The following SLC20A2 variants were observed in gnomAD, a reference collection of about 807,000 sequenced individuals.
The protein encoded by SLC20A2 is sodium-dependent phosphate transporter 2.
SLC20A2 carries 30 observed loss-of-function variants against 61.0 expected under a neutral mutation model. The observed-to-expected ratio is 0.49, with a 90% CI of 0.37 to 0.67. The LOEUF (loss-of-function observed/expected upper bound fraction) is 0.67. SLC20A2 is among the 30% of genes least tolerant of loss of function. The pLI is 0.00. For missense variants in SLC20A2, 626 were observed against 866.4 expected (o/e 0.72, Z 3.48); for synonymous variants, 351 against 353.3 (o/e 0.99, Z 0.07).
At position 42,472,633 on chromosome 8, in the gene SLC20A2, G is replaced by A. The variant is rs1347838347; in HGVS notation, c.-243C>T. 4.4e-6 allele frequency: 2 copies of A among 457,668 alleles called. No homozygotes were observed. The highest frequency in any genetic ancestry group is 7.7e-5 in the East Asian group (2 of 25,864). The allele number at this position is 457,668 out of a possible 1,614,324, so 28.4% of individuals were successfully genotyped here. On this transcript the variant is annotated 5_prime_UTR_variant, in exon 2 of 11. Transcript: ENST00000520262. The surrounding 1 kb of genome is among the most constrained non-coding windows in gnomAD (Gnocchi z 4.1). ...CATTCCATATTTTTCCTCCCGATCT[G>A]GGAAAGCTGTGATGTCTCCTCCTGT...
intron 8 of SLC20A2, among the ~76,000 whole-genome samples, chr8:42,436,002 C>A (rs997623964): frequency 1.3e-5 from 2 of 151,924 alleles, no homozygotes; most frequent in Non-Finnish European, 2.9e-5. Context: ...GTAATCCCAG[C>A]GGCTTGGGAA....
chr8:42,503,938 T>C (rs1366730193), upstream of SLC20A2, among the ~76,000 whole-genome samples: 1 of 152,214 alleles, frequency 6.6e-6, no homozygotes, highest in Non-Finnish European at 1.5e-5. Flanking sequence ...GTTTAGATAC[T>C]TGGCATCCTT....
intron 1 of SLC20A2, among the ~76,000 whole-genome samples, chr8:42,537,312 G>T (rs1286144486): frequency 6.7e-6 from 1 of 149,784 alleles, no homozygotes; most frequent in Non-Finnish European, 1.5e-5. Flanking sequence ...TGAGGCAGAG[G>T]CTGCAGTGAG....
At chr8:42,459,653 T>C (rs1806543740) in intron 5 of SLC20A2, among the ~76,000 whole-genome samples, 2 of 152,228 alleles carry the variant, frequency 1.3e-5, no homozygotes, top group Non-Finnish European at 2.9e-5. Context: ...CTGTTGCCTT[T>C]GTACTCTACA....
chr8:42,506,355 G>T (rs1242647712), intron 1 of SLC20A2, among the ~76,000 whole-genome samples: 1 of 152,212 alleles, frequency 6.6e-6, no homozygotes, highest in Non-Finnish European at 1.5e-5. Flanking sequence ...TCTGTGACTT[G>T]GCTTCCTCGC....
At chr8:42,495,841 C>A (rs1451863802) in intron 1 of SLC20A2, among the ~76,000 whole-genome samples, 1 of 152,072 alleles carries the variant, frequency 6.6e-6, no homozygotes, top group Admixed American at 6.5e-5. Context: ...CCTCCACCTC[C>A]CAGGTTCAAG....
chr8:42,420,348 A>G (rs1241893330), intron 10 of SLC20A2, among the ~76,000 whole-genome samples: 2 of 152,024 alleles, frequency 1.3e-5, no homozygotes, highest in Non-Finnish European at 2.9e-5. Flanking sequence ...TTCACTTTCA[A>G]GTTTCTAACT....
chr8:42,511,145 C>A (rs1811009298), intron 1 of SLC20A2, among the ~76,000 whole-genome samples: 1 of 152,178 alleles, frequency 6.6e-6, no homozygotes. Context: ...CTCAAGACTC[C>A]TGCCTTTTCA....
Position 42,472,078 on chromosome 8 carries a change from C to T in SLC20A2, c.289+24G>A, listed in dbSNP as rs566250350. On this transcript the variant is annotated intron_variant, in intron 2 of 10. Transcript: ENST00000520262. The surrounding 1 kb of genome is among the most constrained non-coding windows in gnomAD (Gnocchi z 4.1). ...GCGGGTCAGTGGGCGGATGTCCCAT[C>T]GGTATAGAGAAGAGGCTACTCACCA... is the stretch of plus-strand genomic sequence containing the variant. 4.7e-5 allele frequency: 75 copies of T among 1,604,954 alleles called. No individual in the cohort carries two copies. Among genetic ancestry groups the T allele is most frequent in the Admixed American group, 1.5e-4 (9 of 59,846 alleles).
At chr8:42,464,279 C>CTTTT (rs202204490) in intron 3 of SLC20A2, among the ~76,000 whole-genome samples, 33 of 136,818 alleles carry the variant, frequency 2.4e-4, no homozygotes, top group African/African-American at 8.4e-4. Flanking sequence ...GGCTAATTTT[C>CTTTT]TTTCTTTTTT....
intron 1 of SLC20A2, among the ~76,000 whole-genome samples, chr8:42,499,036 C>A (rs545446082): frequency 6.6e-6 from 1 of 152,332 alleles, no homozygotes; most frequent in East Asian, 1.9e-4. Context: ...GCCTCTGGGT[C>A]TGTAACTATT....
chr8:42,497,993 CCTAA>C (rs1400249160), intron 1 of SLC20A2, among the ~76,000 whole-genome samples: 2 of 152,122 alleles, frequency 1.3e-5, no homozygotes, highest in African/African-American at 2.4e-5. Flanking sequence ...AAGGCATTTC[CCTAA>C]CTAATATTAC....
chr8:42,528,329 G>C (rs1474923170), intron 1 of SLC20A2, among the ~76,000 whole-genome samples: 4 of 152,060 alleles, frequency 2.6e-5, no homozygotes, highest in Non-Finnish European at 5.9e-5. Flanking sequence ...GGGCGTAGTG[G>C]TGGGCACCTT....
At chr8:42,525,634 T>C (rs1466774268) in intron 1 of SLC20A2, among the ~76,000 whole-genome samples, 1 of 134,914 alleles carries the variant, frequency 7.4e-6, no homozygotes, top group Non-Finnish European at 1.6e-5. Flanking sequence ...CCTTTCTGAA[T>C]ACATGATCGA....
rs1803625480 is a variant in SLC20A2, at chr8:42,428,850, G to C, written c.1710-8C>G. ...AGCTCGATCGTGAAGCCGCTGTGGG[G>C]GGAGCATGAGACACGTCACAGGTGC... On this transcript the variant is annotated splice_polypyrimidine_tract_variant and splice_region_variant and intron_variant, in intron 9 of 10. Transcript: ENST00000520262. 2 of 1,581,660 alleles carry C rather than the reference G, an allele frequency of 1.3e-6. No homozygotes were observed. Among genetic ancestry groups the C allele is most frequent in the Admixed American group, 1.8e-5 (1 of 56,110 alleles).
chr8:42,515,361 C>T (rs1218953289), intron 1 of SLC20A2, among the ~76,000 whole-genome samples: 1 of 152,056 alleles, frequency 6.6e-6, no homozygotes, highest in African/African-American at 2.4e-5. Context: ...TAGTTTTAGA[C>T]ATGCTGTGTT....
intron 1 of SLC20A2, among the ~76,000 whole-genome samples, chr8:42,524,881 T>C (rs561977306): frequency 5.3e-5 from 8 of 152,360 alleles, no homozygotes; most frequent in Admixed American, 3.3e-4. Flanking sequence ...GATTCTTAAA[T>C]GCTTTTGCTA....
intron 10 of SLC20A2, among the ~76,000 whole-genome samples, chr8:42,424,918 T>C (rs934166591): frequency 6.6e-6 from 1 of 152,076 alleles, no homozygotes; most frequent in Non-Finnish European, 1.5e-5. Flanking sequence ...TGGTGGTGCA[T>C]GCCTGTAATC....
chr8:42,518,802 T>G (rs949585668), intron 1 of SLC20A2, among the ~76,000 whole-genome samples: 1 of 152,230 alleles, frequency 6.6e-6, no homozygotes, highest in Non-Finnish European at 1.5e-5. Context: ...TCAAAGTAGA[T>G]GAAGCCCACT....
Sources: allele counts gnomAD v4.1 joint callset (sites outside exome capture counted in the v4.1 genomes callset), GRCh38; gene constraint gnomAD v4.1.1; non-coding constraint Gnocchi (gnomAD v3.1); transcripts MANE v1.5; gene names NCBI Gene and HGNC (gene_info 2026-07-23, HGNC 2026-07-21).